Variants in MYO1E observed in about 807,000 individuals in gnomAD.
The protein encoded by MYO1E is unconventional myosin-Ie.
Under a neutral mutation model 151.1 loss-of-function variants are expected in MYO1E, and 68 were observed. The observed-to-expected ratio is 0.45, with a 90% CI of 0.37 to 0.55. The LOEUF (loss-of-function observed/expected upper bound fraction) is 0.55. Among genes scored for constraint, MYO1E ranks in the 20% least tolerant of loss-of-function variants. The probability of loss-of-function intolerance (pLI) is 0.00; values close to 1 mark genes in which losing one functional copy is unlikely to be tolerated. For missense variants in MYO1E, 1,363 were observed against 1,389.3 expected (o/e 0.98, Z 0.30); for synonymous variants, 601 against 501.7 (o/e 1.20, Z -2.64).
At chr15:59,353,675 TGAACCCAG>T (rs1386378040) in intron 1 of MYO1E, among the ~76,000 whole-genome samples, 9 of 151,252 alleles carry the variant, frequency 6.0e-5, no homozygotes, top group African/African-American at 2.2e-4. Context: ...AAGAATCACT[TGAACCCAG>T]GAGGTGGAGG....
At chr15:59,187,170 G>A (rs958382516) in intron 18 of MYO1E, among the ~76,000 whole-genome samples, 4 of 152,118 alleles carry the variant, frequency 2.6e-5, no homozygotes, top group Non-Finnish European at 5.9e-5. Context: ...TAAACAGACA[G>A]CCTAATGAAT....
At position 59,272,429 on chromosome 15, in the gene MYO1E, C is replaced by T; in HGVS notation, c.24G>A (p.Gln8=). The T allele has an allele frequency of 6.2e-7, 1 of 1,614,198 alleles. No homozygotes were observed. The highest frequency in any genetic ancestry group is 8.5e-7 in the Non-Finnish European group (1 of 1,180,022). MGSKGVY[Q]YHWQSHNVKH... ...TGACATTGTGGCTTTGCCAGTGGTACTGGTAGACACCTTTGCTTCCCTGGG... is the reference window on the plus strand; with the variant it reads ...TGACATTGTGGCTTTGCCAGTGGTATTGGTAGACACCTTTGCTTCCCTGGG... The change falls in exon 2 of 28, where the codon CAG becomes CAA. Residue 8 remains glutamine (Q), a synonymous_variant. Coordinates refer to ENST00000288235, the MANE Select transcript of MYO1E (RefSeq NM_004998.4).
intron 22 of MYO1E, among the ~76,000 whole-genome samples, chr15:59,164,768 T>G (rs910089444): frequency 3.3e-5 from 5 of 152,202 alleles, no homozygotes; most frequent in African/African-American, 1.2e-4. Flanking sequence ...GTCAGGAACC[T>G]TCTCTCCAGA....
At chr15:59,194,063 A>G (rs144018336) in intron 17 of MYO1E, among the ~76,000 whole-genome samples, 1,757 of 152,076 alleles carry the variant, frequency 0.012, 48 homozygotes, top group African/African-American at 0.038. Context: ...AATCTCAACT[A>G]CTCAGGAGGC....
intron 1 of MYO1E, among the ~76,000 whole-genome samples, chr15:59,360,143 AAGAC>A (rs367630894): frequency 1.2e-4 from 18 of 152,304 alleles, no homozygotes; most frequent in African/African-American, 1.7e-4. Flanking sequence ...TTTTGATTGA[AAGAC>A]AGAACAGAAA....
At chr15:59,358,253 A>G (rs2080865891) in intron 1 of MYO1E, among the ~76,000 whole-genome samples, 1 of 151,984 alleles carries the variant, frequency 6.6e-6, no homozygotes, top group South Asian at 2.1e-4. Context: ...AAAGAGGAAG[A>G]GGAGGATGAG....
intron 10 of MYO1E, among the ~76,000 whole-genome samples, chr15:59,215,132 GACC>G (rs1217242500): frequency 1.5e-4 from 23 of 152,264 alleles, no homozygotes; most frequent in African/African-American, 5.3e-4. Flanking sequence ...ATTTAATGAT[GACC>G]CAACACAATA....
chr15:59,143,389 C>T (rs1173945027), intron 26 of MYO1E, among the ~76,000 whole-genome samples: 18 of 152,148 alleles, frequency 1.2e-4, no homozygotes, highest in Admixed American at 1.0e-3. Context: ...GCAGTTTGCA[C>T]TTTGCATTAG....
chr15:59,335,113 A>G (rs1330946714), intron 1 of MYO1E, among the ~76,000 whole-genome samples: 2 of 152,226 alleles, frequency 1.3e-5, no homozygotes, highest in Admixed American at 6.5e-5. Flanking sequence ...GAGAAAAACA[A>G]GGGCATTCTT....
intron 1 of MYO1E, among the ~76,000 whole-genome samples, chr15:59,308,222 CAAAAAAAAAAAAAAA>C (rs1189618865): frequency 2.1e-4 from 10 of 48,508 alleles, no homozygotes; most frequent in Admixed American, 9.0e-4. Flanking sequence ...GACTCTGTCT[CAAAAAAAAAAAAAAA>C]AAAAAAAAAA....
chr15:59,238,853 G>T (rs1046149875), intron 4 of MYO1E, among the ~76,000 whole-genome samples: 2 of 151,992 alleles, frequency 1.3e-5, no homozygotes, highest in Non-Finnish European at 2.9e-5. Flanking sequence ...TTACAGGTGT[G>T]AGCCACGACA....
At chr15:59,277,556 A>C (rs1596397087) in intron 1 of MYO1E, among the ~76,000 whole-genome samples, 4 of 143,756 alleles carry the variant, frequency 2.8e-5, no homozygotes, top group Admixed American at 1.4e-4. Flanking sequence ...CACAAAAAAA[A>C]AAAAAAAAAA....
At chr15:59,340,733 A>G (rs956186164) in intron 1 of MYO1E, among the ~76,000 whole-genome samples, 5 of 152,168 alleles carry the variant, frequency 3.3e-5, no homozygotes, top group Non-Finnish European at 7.3e-5. Context: ...GGATTTAAGA[A>G]AAATCTTCAG....
chr15:59,233,816 C>G (rs1462790412), intron 5 of MYO1E, among the ~76,000 whole-genome samples: 1 of 150,396 alleles, frequency 6.6e-6, no homozygotes, highest in Non-Finnish European at 1.5e-5. Context: ...CCTTACTGTC[C>G]AATAGGGAAG....
rs10400822 is a variant in MYO1E, at chr15:59,349,521, G to T, written c.3+22977C>A. Among the ~76,000 whole-genome samples the T allele has an allele frequency of 7.8e-3, 1,130 of 144,734 alleles. 17 individuals are homozygous for T. Among genetic ancestry groups the T allele is most frequent in the African/African-American group, 0.03 (1,097 of 36,416 alleles). 95.0% of individuals were successfully genotyped at this position (144,734 alleles called of 152,430 possible). A position where few individuals can be genotyped will look rare whatever the true frequency, so the allele number is the denominator to read the frequency against. On this transcript the variant is annotated intron_variant, in intron 1 of 27. Transcript: ENST00000288235. The stretch of plus-strand genomic sequence containing the variant: ...TTCTTTAAATTACCCAGCGAGTTAG[G>T]GAGGAGGATGATGAGAAATCATCCT...
chr15:59,263,660 T>C (rs1309138373), intron 2 of MYO1E, among the ~76,000 whole-genome samples: 1 of 152,184 alleles, frequency 6.6e-6, no homozygotes, highest in Non-Finnish European at 1.5e-5. Flanking sequence ...AAGATCTTCA[T>C]ACTTGAAGGG....
intron 12 of MYO1E, among the ~76,000 whole-genome samples, chr15:59,213,417 C>T (rs910234418): frequency 1.2e-4 from 19 of 152,022 alleles, no homozygotes; most frequent in African/African-American, 4.3e-4. Context: ...GTGATCTGCC[C>T]GTCTCGGCCT....
intron 18 of MYO1E, among the ~76,000 whole-genome samples, chr15:59,187,676 A>G (rs1249444433): frequency 6.6e-6 from 1 of 152,238 alleles, no homozygotes; most frequent in African/African-American, 2.4e-5. Context: ...AGTGGAAACA[A>G]CTGACGTTTA....
chr15:59,296,185 C>G (rs1232646728), intron 1 of MYO1E, among the ~76,000 whole-genome samples: 2 of 152,120 alleles, frequency 1.3e-5, no homozygotes, highest in Admixed American at 6.5e-5. Context: ...GATAAAGGAC[C>G]CTGCTCTATG....
Sources: gnomAD v4.1 joint callset for allele counts (sites outside exome capture counted in the v4.1 genomes callset) on GRCh38, gnomAD v4.1.1 for gene constraint, MANE v1.5 for transcripts, NCBI Gene and HGNC (gene_info 2026-07-23, HGNC 2026-07-21) for gene names.